Variants in U2AF2 observed in about 807,000 individuals in gnomAD.
U2AF2 encodes the protein U2 small nuclear RNA auxiliary factor 2, also known as splicing factor U2AF 65 kDa subunit.
In U2AF2, 6 loss-of-function variants were observed where a neutral mutation model predicts 52.6. That is an observed-to-expected ratio of 0.11 (90% CI 0.06 to 0.23). The LOEUF (loss-of-function observed/expected upper bound fraction) is 0.23, where lower values mean the gene tolerates loss of function less well. U2AF2 is among the 10% of genes least tolerant of loss of function. The pLI is 1.00. For missense variants in U2AF2, 222 were observed against 677.1 expected, an observed-to-expected ratio of 0.33 and a Z score of 7.46; for synonymous variants, 284 against 258.2, an observed-to-expected ratio of 1.10 and a Z score of -0.96.
At chr19:55,661,336 G>C in intron 5 of U2AF2, 147 bp downstream of exon 5, 2 of 904,368 alleles carry the variant, frequency 2.2e-6, no homozygotes, top group Non-Finnish European at 3.0e-6. Flanking sequence ...CGATGGAGTT[G>C]AGCCAGCCAG....
intron 7 of U2AF2, among the ~76,000 whole-genome samples, chr19:55,667,927 A>G (rs1984649101): frequency 6.6e-6 from 1 of 152,028 alleles, no homozygotes; most frequent in South Asian, 2.1e-4. Context: ...CTGGGACTAC[A>G]GGTGCACGCT....
rs868391248 is a variant in U2AF2 at position 55,674,376 on chromosome 19, C to T, written c.*308C>T. 8.6e-5 allele frequency: 27 copies of T among 313,168 alleles called. No individual in the cohort carries two copies. Among genetic ancestry groups the T allele is most frequent in the Middle Eastern group, 9.6e-4 (1 of 1,044 alleles). 19.4% of individuals were successfully genotyped at this position (313,168 alleles called of 1,614,324 possible). ...AGCAGGGCGGGGTAGGACCCCAGCC[C>T]CTCCCAAAACAGCCTCTCCTTCTCC... is the stretch of plus-strand genomic sequence containing the variant. On this transcript the variant is annotated 3_prime_UTR_variant, in exon 12 of 12. Coordinates refer to ENST00000308924, the MANE Select transcript of U2AF2 (RefSeq NM_007279.3).
intron 5 of U2AF2, chr19:55,661,795 C>T (rs1984223620): frequency 6.6e-6 from 1 of 152,294 alleles, no homozygotes; most frequent in African/African-American, 2.4e-5. Flanking sequence ...GCTGAGATCC[C>T]TCGTAGCAAC....
In U2AF2 at chr19:55,668,965, T is replaced by G. The variant is rs1984711981; in HGVS notation, c.946-118T>G. The G allele has an allele frequency of 6.8e-7, 1 of 1,479,306 alleles. No individual in the cohort carries two copies. Among genetic ancestry groups the G allele is most frequent in the African/African-American group, 1.4e-5 (1 of 72,056 alleles). 91.6% of individuals were successfully genotyped at this position (1,479,306 alleles called of 1,614,324 possible). Reference sequence around the variant, plus strand: ...GCGTTGGCTTTTTCCAGGCTCTTAATCCCCTTTGCCTTCCCCTCTTCCCCC... The same window carrying G: ...GCGTTGGCTTTTTCCAGGCTCTTAAGCCCCTTTGCCTTCCCCTCTTCCCCC... On this transcript the variant is annotated intron_variant, in intron 9 of 11. Coordinates refer to ENST00000308924, the MANE Select transcript of U2AF2 (RefSeq NM_007279.3). This position sits in a 1 kb window ranked among gnomAD's most constrained non-coding sequence, Gnocchi z 5.5.
chr19:55,658,614 C>G (rs1049157642), intron 1 of U2AF2, among the ~76,000 whole-genome samples: 2 of 152,138 alleles, frequency 1.3e-5, no homozygotes, highest in Non-Finnish European at 2.9e-5. Context: ...GGGCCTCTTT[C>G]CCCTTCAGTC....
At chr19:55,661,668 C>T (rs1289644968) in intron 5 of U2AF2, 2 of 160,548 alleles carry the variant, frequency 1.2e-5, no homozygotes, top group Admixed American at 6.5e-5. Context: ...CTGACCTCCC[C>T]CTTCCCCACC....
chr19:55,666,918 G>A (rs1984583600), intron 7 of U2AF2, among the ~76,000 whole-genome samples: 1 of 152,228 alleles, frequency 6.6e-6, no homozygotes, highest in Admixed American at 6.5e-5. Flanking sequence ...TTTCCTGCCT[G>A]TGTGTCTTTG....
rs759718962 is a variant in U2AF2 at position 55,668,711 on chromosome 19, C to T, written c.864C>T (p.Phe288=). The T allele has an allele frequency of 6.2e-6, 10 of 1,613,308 alleles. No homozygotes were observed. Among genetic ancestry groups the T allele is most frequent in the African/African-American group, 1.3e-5 (1 of 74,884 alleles). The change falls in exon 9 of 12, where the codon TTC becomes TTT. Residue 288 remains phenylalanine (F), a synonymous_variant. Coordinates refer to ENST00000308924, the MANE Select transcript of U2AF2 (RefSeq NM_007279.3). The surrounding 1 kb of genome is among the most constrained non-coding windows in gnomAD (Gnocchi z 5.5). ...LLTSFGPLKA[F]NLVKDSATGL... ...CATCCTTTGGGCCCCTCAAGGCCTT[C>T]AACCTGGTCAAGGACAGTGCCACGG... is the stretch of plus-strand genomic sequence containing the variant.
chr19:55,656,368 G>A (rs1287672658), intron 1 of U2AF2, among the ~76,000 whole-genome samples: 1 of 152,210 alleles, frequency 6.6e-6, no homozygotes, highest in Non-Finnish European at 1.5e-5. Flanking sequence ...AAGCAATAAC[G>A]TTTACTGAGG....
In U2AF2 at chr19:55,668,436, G is replaced by T. The variant is rs1295547423; in HGVS notation, c.743-71G>T. 4.1e-6 allele frequency: 6 copies of T among 1,446,952 alleles called. No individual in the cohort carries two copies. The highest frequency in any genetic ancestry group is 5.6e-6 in the Non-Finnish European group (6 of 1,067,872). 89.6% of individuals were successfully genotyped at this position (1,446,952 alleles called of 1,614,324 possible). On this transcript the variant is annotated intron_variant, in intron 7 of 11. Transcript: ENST00000308924. The surrounding 1 kb of genome is among the most constrained non-coding windows in gnomAD (Gnocchi z 5.5). ...GTTCTCTTTGGCAATTGAGGAGCTC[G>T]CCGTAGACTGTCCAGGTTTTGGGAG... is the stretch of plus-strand genomic sequence containing the variant.
At chr19:55,671,169 G>A (rs561182244) in intron 11 of U2AF2, among the ~76,000 whole-genome samples, 7 of 152,242 alleles carry the variant, frequency 4.6e-5, no homozygotes, top group East Asian at 1.9e-4. Flanking sequence ...GAGGTCTCCC[G>A]CAATAATCTG....
chr19:55,674,485 G>A lies in U2AF2; in HGVS notation c.*417G>A. ...TGGCCAAACTATTTTGAATTTTGTT[G>A]TCCGGCCCTCAGTGCCCTGCCCTCT... is the stretch of plus-strand genomic sequence containing the variant. On this transcript the variant is annotated 3_prime_UTR_variant, in exon 12 of 12. Transcript: ENST00000308924. 1 of 166,348 alleles carries A rather than the reference G, an allele frequency of 6.0e-6. No individual in the cohort carries two copies. The allele number at this position is 166,348 out of a possible 1,614,324, so 10.3% of individuals were successfully genotyped here. A position where few individuals can be genotyped will look rare whatever the true frequency, so the allele number is the denominator to read the frequency against.
At chr19:55,655,288 C>A in intron 1 of U2AF2, 135 bp downstream of exon 1, 2 of 985,078 alleles carry the variant, frequency 2.0e-6, no homozygotes, top group Admixed American at 3.3e-5. Flanking sequence ...CCGTGGCGCG[C>A]GCCTCGTTCA....
Position 55,668,380 on chromosome 19 carries a change from G to A in U2AF2, c.743-127G>A, listed in dbSNP as rs58490076. ...GGCTGGGGTGGGGTGGGCACGTGGC[G>A]ACCCCTCCCTCGTCAGATCAGGCAG... On this transcript the variant is annotated intron_variant, in intron 7 of 11. Coordinates refer to ENST00000308924, the MANE Select transcript of U2AF2 (RefSeq NM_007279.3). The surrounding 1 kb of genome is among the most constrained non-coding windows in gnomAD (Gnocchi z 5.5). The A allele has an allele frequency of 0.069, 63,660 of 929,198 alleles. 3,134 individuals carry two copies. The highest frequency in any genetic ancestry group is 0.25 in the East Asian group (8,926 of 35,808). The allele number at this position is 929,198 out of a possible 1,614,324, so 57.6% of individuals were successfully genotyped here. A position where few individuals can be genotyped will look rare whatever the true frequency, so the allele number is the denominator to read the frequency against.
intron 2 of U2AF2, 27 bp from the exon 3 acceptor site, chr19:55,660,150 C>A: frequency 4.4e-6 from 7 of 1,586,790 alleles, no homozygotes; most frequent in Non-Finnish European, 6.0e-6. Context: ...GTCACCCCTC[C>A]CCATACCTTT....
At chr19:55,661,499 GACACAC>G (rs59262812) in intron 5 of U2AF2, among the ~76,000 whole-genome samples, 63,458 of 144,928 alleles carry the variant, frequency 0.44, 14,703 homozygotes, top group Non-Finnish European at 0.53. Flanking sequence ...GGGAGACTTG[GACACAC>G]ACACACACAC....
intron 5 of U2AF2, 31 bp downstream of exon 5, chr19:55,661,220 C>A: frequency 6.5e-7 from 1 of 1,538,434 alleles, no homozygotes; most frequent in Non-Finnish European, 8.8e-7. Flanking sequence ...CTACCCTCTC[C>A]CTTGTCCCTC....
At chr19:55,659,385 C>T (rs2271757) in intron 2 of U2AF2, 40 bp downstream of exon 2, 168,636 of 1,440,334 alleles carry the variant, frequency 0.12, 10,634 homozygotes, top group African/African-American at 0.18. Flanking sequence ...GCCTGGGAGT[C>T]GGGGGGTCGG....
Position 55,669,186 on chromosome 19 carries a change from G to A in U2AF2, c.1044+5G>A. The A allele has an allele frequency of 2.5e-6, 4 of 1,613,646 alleles. No homozygotes were observed. The highest frequency in any genetic ancestry group is 3.4e-6 in the Non-Finnish European group (4 of 1,179,818). Reference sequence around the variant, plus strand: ...GCCACGCTGGTGAGCCCCCCGGCACGTCATCTTCCATTGGCTTGAGGGACC... The same window carrying A: ...GCCACGCTGGTGAGCCCCCCGGCACATCATCTTCCATTGGCTTGAGGGACC... On this transcript the variant is annotated splice_donor_5th_base_variant and intron_variant, in intron 10 of 11. Transcript: ENST00000308924.
Sources: allele counts gnomAD v4.1 joint callset (sites outside exome capture counted in the v4.1 genomes callset), GRCh38; gene constraint gnomAD v4.1.1; non-coding constraint Gnocchi (gnomAD v3.1); transcripts MANE v1.5; gene names NCBI Gene and HGNC (gene_info 2026-07-23, HGNC 2026-07-21).